DUSP28: variants seen among roughly 807,000 people sequenced by gnomAD.
The protein encoded by DUSP28 is dual specificity phosphatase 28.
A neutral mutation model predicts 8.4 loss-of-function variants in DUSP28; 11 were observed. That is an observed-to-expected ratio of 1.31 (90% CI 0.83 to 2.17). DUSP28 has a LOEUF of 2.17. Ranked by LOEUF, DUSP28 falls within the 30% of genes most tolerant of loss-of-function variation. The probability of loss-of-function intolerance (pLI) is 0.00; values close to 1 mark genes in which losing one functional copy is unlikely to be tolerated. For missense variants in DUSP28, 373 were observed against 270.4 expected, an observed-to-expected ratio of 1.38 and a Z score of -2.66; for synonymous variants, 178 against 130.9, an observed-to-expected ratio of 1.36 and a Z score of -2.46.
chr2:240,560,540 GC>G lies in DUSP28; in HGVS notation c.-141del. 8.4e-7 allele frequency: 1 copy of G among 1,196,200 alleles called. No homozygotes were observed. The highest frequency in any genetic ancestry group is 1.1e-6 in the Non-Finnish European group (1 of 935,188). 74.1% of individuals were successfully genotyped at this position (1,196,200 alleles called of 1,614,324 possible). On this transcript the variant is annotated 5_prime_UTR_variant, in exon 1 of 2. The change creates a premature stop within an existing upstream ORF in the 5' untranslated region. Transcript: ENST00000405954. Reference sequence around the variant, plus strand: ...GGCCCAGCGCCCGCGGGGGACCCAAGCCCCAGCCTGGTCCACCTCGGAGGCC... The same window carrying G: ...GGCCCAGCGCCCGCGGGGGACCCAAGCCCAGCCTGGTCCACCTCGGAGGCC...
rs752504156 is a variant in DUSP28, at chr2:240,561,383, G to C, written c.447G>C (p.Gln149His). ...AACCGAACCCGGGCTTCTGGTCTCA[G>C]CTCCAGAAGTATGAGGAGGCCCTCC... The part of the protein sequence containing the change: ...VAEPNPGFWS[Q>H]LQKYEEALQA... Residue 149 changes from glutamine (Q) to histidine (H), a missense_variant, in exon 2 of 2, where the codon CAG (glutamine) becomes CAC (histidine). By Grantham distance (24) the Gln-to-His change is conservative. Coordinates refer to ENST00000405954, the MANE Select transcript of DUSP28 (RefSeq NM_001370465.2). 9.3e-6 allele frequency: 15 copies of C among 1,613,716 alleles called. No homozygotes were observed. The highest frequency in any genetic ancestry group is 1.0e-5 in the Non-Finnish European group (12 of 1,180,032).
rs774805305 is a variant in DUSP28 at position 240,561,349 on chromosome 2, C to T, written c.413C>T (p.Pro138Leu). ...TTGCAGATGGTGAAGAGCGCTCGCC[C>T]GGTAGCAGAACCGAACCCGGGCTTC... ...KAFQMVKSAR[P>L]VAEPNPGFWS... The change falls in exon 2 of 2, where the codon CCG becomes CTG. Residue 138 changes from proline to leucine, a missense_variant. Transcript: ENST00000405954. 1.2e-6 allele frequency: 2 copies of T among 1,613,846 alleles called. No individual in the cohort carries two copies. The highest frequency in any genetic ancestry group is 3.3e-5 in the Admixed American group (2 of 60,028).
chr2:240,560,723 G>T lies in DUSP28; in HGVS notation c.39G>T (p.Ser13=). The T allele has an allele frequency of 6.6e-7, 1 of 1,524,230 alleles. No individual in the cohort carries two copies. Among genetic ancestry groups the T allele is most frequent in the East Asian group, 2.7e-5 (1 of 36,692 alleles). The allele number at this position is 1,524,230 out of a possible 1,614,324, so 94.4% of individuals were successfully genotyped here. The change falls in exon 1 of 2, where the codon TCG becomes TCT. Residue 13 remains serine (S), a synonymous_variant. Coordinates refer to ENST00000405954, the MANE Select transcript of DUSP28 (RefSeq NM_001370465.2). ...AAGCTGGGCGCCGCGGGGCCGCCTC[G>T]CCCGTACCTCCACCGTTGGTGCGCG... The part of the protein sequence containing the change: ...PAEAGRRGAA[S]PVPPPLVRVA...
rs761424683 is a variant in DUSP28 at position 240,560,996 on chromosome 2, G to C, written c.312G>C (p.Lys104Asn). The change falls in exon 1 of 2, where the codon AAG becomes AAC. Residue 104 changes from lysine to asparagine, a missense_variant. Transcript: ENST00000405954. ...RAGGACLVYC[K>N]NGRSRSAAVC... ...GCGGCGCCTGCCTAGTCTACTGCAA[G>C]AACGGCCGCAGCCGCTCGGCCGCCG... is the stretch of plus-strand genomic sequence containing the variant. 3.2e-6 allele frequency: 5 copies of C among 1,543,312 alleles called. No homozygotes were observed. The highest frequency in any genetic ancestry group is 4.3e-6 in the Non-Finnish European group (5 of 1,157,190).
rs753036166 is a variant in DUSP28 at position 240,561,073 on chromosome 2, T to G, written c.389T>G (p.Phe130Cys). Residue 130 changes from phenylalanine to cysteine, a missense_variant, in exon 1 of 2, where the codon TTC becomes TGC. Phe to Cys is a radical substitution (Grantham distance 205). Coordinates refer to ENST00000405954, the MANE Select transcript of DUSP28 (RefSeq NM_001370465.2). ...RHRGLSLAKA[F>C]QMVKSARPVA... ...CGCGGCCTCAGCCTGGCGAAGGCCTTCCAGGTGGGCGGGCCTTTAGGGGGG... is the reference window on the plus strand; with the variant it reads ...CGCGGCCTCAGCCTGGCGAAGGCCTGCCAGGTGGGCGGGCCTTTAGGGGGG... The G allele has an allele frequency of 1.2e-5, 18 of 1,486,418 alleles. No individual in the cohort carries two copies. Among genetic ancestry groups the G allele is most frequent in the Non-Finnish European group, 1.6e-5 (18 of 1,128,016 alleles). The allele number at this position is 1,486,418 out of a possible 1,614,324, so 92.1% of individuals were successfully genotyped here.
chr2:240,564,856 G>C lies in DUSP28; in HGVS notation c.*3389G>C, dbSNP rs866402132. On this transcript the variant is annotated 3_prime_UTR_variant, in exon 2 of 2. Transcript: ENST00000405954. ...GGAGAAGGAGGCTGTGCTGACAGAC[G>C]GCCTGGTGAGGGAACCCGGGAGGCC... Among the ~76,000 whole-genome samples the C allele has an allele frequency of 2.6e-5, 4 of 152,208 alleles. No homozygotes were observed. Among genetic ancestry groups the C allele is most frequent in the Admixed American group, 2.0e-4 (3 of 15,286 alleles).
chr2:240,560,529 G>T lies in DUSP28; in HGVS notation c.-156G>T. The T allele has an allele frequency of 3.5e-6, 4 of 1,131,462 alleles. No individual in the cohort carries two copies. The highest frequency in any genetic ancestry group is 2.9e-5 in the South Asian group (1 of 35,068). The allele number at this position is 1,131,462 out of a possible 1,614,324, so 70.1% of individuals were successfully genotyped here. ...CCCCCTGTCCCGGCCCAGCGCCCGC[G>T]GGGGACCCAAGCCCCAGCCTGGTCC... On this transcript the variant is annotated 5_prime_UTR_variant, in exon 1 of 2. Transcript: ENST00000405954.
Position 240,560,738 on chromosome 2 carries a change from G to T in DUSP28, c.54G>T (p.Pro18=), listed in dbSNP as rs775768545. The change falls in exon 1 of 2, where the codon CCG becomes CCT. Residue 18 remains proline (P), a synonymous_variant. Transcript: ENST00000405954. ...GGGCCGCCTCGCCCGTACCTCCACCGTTGGTGCGCGTCGCGCCCTCACTCT... is the reference window on the plus strand; with the variant it reads ...GGGCCGCCTCGCCCGTACCTCCACCTTTGGTGCGCGTCGCGCCCTCACTCT... ...RRGAASPVPP[P]LVRVAPSLFL... 2.6e-6 allele frequency: 4 copies of T among 1,515,858 alleles called. No homozygotes were observed. The highest frequency in any genetic ancestry group is 4.3e-5 in the Admixed American group (2 of 46,410). 93.9% of individuals were successfully genotyped at this position (1,515,858 alleles called of 1,614,324 possible).
In DUSP28 at chr2:240,561,013, C is replaced by T. The variant is rs571854171; in HGVS notation, c.329C>T (p.Ser110Leu). The T allele has an allele frequency of 3.6e-5, 55 of 1,534,224 alleles. No individual in the cohort carries two copies. The highest frequency in any genetic ancestry group is 2.7e-4 in the South Asian group (23 of 83,854). The change falls in exon 1 of 2, where the codon TCG becomes TTG. Residue 110 changes from serine (S) to leucine (L), a missense_variant. Physicochemically the swap from Ser to Leu is moderately radical, Grantham distance 145. Coordinates refer to ENST00000405954, the MANE Select transcript of DUSP28 (RefSeq NM_001370465.2). ...LVYCKNGRSR[S>L]AAVCTAYLMR... ...TACTGCAAGAACGGCCGCAGCCGCT[C>T]GGCCGCCGTCTGCACCGCGTACCTC...
At position 240,560,830 on chromosome 2, in the gene DUSP28, T is replaced by C. The variant is rs1466629159; in HGVS notation, c.146T>C (p.Val49Ala). 1 of 1,417,156 alleles carries C rather than the reference T, an allele frequency of 7.1e-7. No individual in the cohort carries two copies. Among genetic ancestry groups the C allele is most frequent in the Non-Finnish European group, 9.1e-7 (1 of 1,094,272 alleles). 87.8% of individuals were successfully genotyped at this position (1,417,156 alleles called of 1,614,324 possible). ...QLARAGVTLC[V>A]NVSRQQPGPR... is the part of the protein sequence containing the mutation. ...GCGCGCGCGGGAGTCACGCTGTGCG[T>C]CAACGTCTCCCGCCAGCAGCCCGGC... Residue 49 changes from valine to alanine, a missense_variant, in exon 1 of 2, where the codon GTC (valine) becomes GCC (alanine). Transcript: ENST00000405954.
Position 240,561,291 on chromosome 2 carries a change from G to A in DUSP28, c.394-39G>A, listed in dbSNP as rs76363789. 7,758 of 1,612,912 alleles carry A rather than the reference G, an allele frequency of 4.8e-3. 330 individuals carry two copies. In the African/African-American group the frequency reaches 0.086, roughly 18 times the overall value. On this transcript the variant is annotated intron_variant, in intron 1 of 1. Transcript: ENST00000405954. ...CCGCCTTGGCCCCTGCTGGCCATTA[G>A]CGCGACTTGGGGTTATTCAGTACAC...
rs1047739442 is a variant in DUSP28, at chr2:240,560,847, C to A, written c.163C>A (p.Gln55Lys). ...GCTGTGCGTCAACGTCTCCCGCCAGCAGCCCGGCCCGCGCGCGCCCGGCGT... is the reference window on the plus strand; with the variant it reads ...GCTGTGCGTCAACGTCTCCCGCCAGAAGCCCGGCCCGCGCGCGCCCGGCGT... ...VTLCVNVSRQ[Q>K]PGPRAPGVAE... Residue 55 changes from glutamine (Q) to lysine (K), a missense_variant, in exon 1 of 2, where the codon CAG becomes AAG. Physicochemically the swap from Gln to Lys is moderately conservative, Grantham distance 53 (BLOSUM62 1). Transcript: ENST00000405954. The A allele has an allele frequency of 3.4e-5, 48 of 1,391,494 alleles. No individual in the cohort carries two copies. The highest frequency in any genetic ancestry group is 4.2e-5 in the Non-Finnish European group (46 of 1,083,080). 86.2% of individuals were successfully genotyped at this position (1,391,494 alleles called of 1,614,324 possible).
In DUSP28 at chr2:240,560,487, C is replaced by T; in HGVS notation, c.-198C>T. ...GCCCAAACCTCCCGCCATGCCCCGG[C>T]CCCAACGAGACCCAAGCCCCCTGTC... On this transcript the variant is annotated 5_prime_UTR_variant, in exon 1 of 2. Coordinates refer to ENST00000405954, the MANE Select transcript of DUSP28 (RefSeq NM_001370465.2). 1 of 789,734 alleles carries T rather than the reference C, an allele frequency of 1.3e-6. No homozygotes were observed. Among genetic ancestry groups the T allele is most frequent in the Non-Finnish European group, 1.8e-6 (1 of 571,030 alleles). The allele number at this position is 789,734 out of a possible 1,614,324, so 48.9% of individuals were successfully genotyped here. A position where few individuals can be genotyped will look rare whatever the true frequency, so the allele number is the denominator to read the frequency against.
Position 240,565,246 on chromosome 2 carries a change from G to A in DUSP28, c.*3779G>A, listed in dbSNP as rs912825337. Among the ~76,000 whole-genome samples, 1 of 151,672 alleles carries A rather than the reference G, an allele frequency of 6.6e-6. No homozygotes were observed. The highest frequency in any genetic ancestry group is 6.5e-5 in the Admixed American group (1 of 15,268). On this transcript the variant is annotated 3_prime_UTR_variant, in exon 2 of 2. Coordinates refer to ENST00000405954, the MANE Select transcript of DUSP28 (RefSeq NM_001370465.2). ...ATGCGTCAATGAGTAAAATACTGTG[G>A]TTGGTGCTTATCTGCCTTTTCCAAT...
At position 240,560,424 on chromosome 2, in the gene DUSP28, G is replaced by A; in HGVS notation, c.-261G>A. The A allele has an allele frequency of 2.7e-6, 1 of 370,116 alleles. No homozygotes were observed. The highest frequency in any genetic ancestry group is 4.6e-6 in the Non-Finnish European group (1 of 217,420). The allele number at this position is 370,116 out of a possible 1,614,324, so 22.9% of individuals were successfully genotyped here. A position where few individuals can be genotyped will look rare whatever the true frequency, so the allele number is the denominator to read the frequency against. ...ACGGCGCCCGGGGACAGAGAACATG[G>A]GACGCAGAGCGGTCCAAGGCCCCGG... On this transcript the variant is annotated 5_prime_UTR_variant, in exon 1 of 2. Coordinates refer to ENST00000405954, the MANE Select transcript of DUSP28 (RefSeq NM_001370465.2).
At position 240,560,904 on chromosome 2, in the gene DUSP28, C is replaced by T; in HGVS notation, c.220C>T (p.Pro74Ser). Residue 74 changes from proline (P) to serine (S), a missense_variant, in exon 1 of 2, where the codon CCG becomes TCG. By Grantham distance (74) the Pro-to-Ser change is moderately conservative (BLOSUM62 -1). Transcript: ENST00000405954. Reference sequence around the variant, plus strand: ...GCTGCGCGTGCCCGTGTTCGACGACCCGGCTGAGGACCTGCTGGCGCACCT... The same window carrying T: ...GCTGCGCGTGCCCGTGTTCGACGACTCGGCTGAGGACCTGCTGGCGCACCT... ...AELRVPVFDD[P>S]AEDLLAHLEP... 6.6e-7 allele frequency: 1 copy of T among 1,526,390 alleles called. No individual in the cohort carries two copies. Among genetic ancestry groups the T allele is most frequent in the Non-Finnish European group, 8.7e-7 (1 of 1,150,556 alleles). The allele number at this position is 1,526,390 out of a possible 1,614,324, so 94.6% of individuals were successfully genotyped here. A position where few individuals can be genotyped will look rare whatever the true frequency, so the allele number is the denominator to read the frequency against.
In DUSP28 at chr2:240,561,517, A is replaced by C. The variant is rs1321907170; in HGVS notation, c.*50A>C. ...GAAGGATGTCCCTGCACTGATACAGAAGGCTGGTCTTTACCCTTCTTCCTC... is the reference window on the plus strand; with the variant it reads ...GAAGGATGTCCCTGCACTGATACAGCAGGCTGGTCTTTACCCTTCTTCCTC... On this transcript the variant is annotated 3_prime_UTR_variant, in exon 2 of 2. Coordinates refer to ENST00000405954, the MANE Select transcript of DUSP28 (RefSeq NM_001370465.2). 7 of 1,566,320 alleles carry C rather than the reference A, an allele frequency of 4.5e-6. No homozygotes were observed. In the Admixed American group the frequency reaches 5.8e-5, roughly 13 times the overall value.
chr2:240,561,568 G>A lies in DUSP28; in HGVS notation c.*101G>A. The A allele has an allele frequency of 7.1e-7, 1 of 1,399,790 alleles. No homozygotes were observed. Among genetic ancestry groups the A allele is most frequent in the Non-Finnish European group, 9.4e-7 (1 of 1,060,004 alleles). The allele number at this position is 1,399,790 out of a possible 1,614,324, so 86.7% of individuals were successfully genotyped here. ...ACTGTCATATCGAGTTTTCCTTTGTGTGTGTGTGTGTGAAACATAGTGCTT... is the reference window on the plus strand; with the variant it reads ...ACTGTCATATCGAGTTTTCCTTTGTATGTGTGTGTGTGAAACATAGTGCTT... On this transcript the variant is annotated 3_prime_UTR_variant, in exon 2 of 2. Coordinates refer to ENST00000405954, the MANE Select transcript of DUSP28 (RefSeq NM_001370465.2).
Position 240,560,973 on chromosome 2 carries a change from G to T in DUSP28, c.289G>T (p.Gly97Cys). 1 of 1,519,002 alleles carries T rather than the reference G, an allele frequency of 6.6e-7. No homozygotes were observed. The highest frequency in any genetic ancestry group is 8.7e-7 in the Non-Finnish European group (1 of 1,146,572). The allele number at this position is 1,519,002 out of a possible 1,614,324, so 94.1% of individuals were successfully genotyped here. ...AAMEAAVRAG[G>C]ACLVYCKNGR... ...CATGGAGGCCGCGGTGCGCGCCGGC[G>T]GCGCCTGCCTAGTCTACTGCAAGAA... The change falls in exon 1 of 2, where the codon GGC becomes TGC. Residue 97 changes from glycine (G) to cysteine (C), a missense_variant. By Grantham distance (159) the Gly-to-Cys change is radical. Coordinates refer to ENST00000405954, the MANE Select transcript of DUSP28 (RefSeq NM_001370465.2).
Sources: gnomAD v4.1 joint callset for allele counts (sites outside exome capture counted in the v4.1 genomes callset) on GRCh38, gnomAD v4.1.1 for gene constraint, MANE v1.5 for transcripts, NCBI Gene and HGNC (gene_info 2026-07-23, HGNC 2026-07-21) for gene names.